Variants in HDGFL3 observed in about 807,000 individuals in gnomAD.
HDGFL3 encodes the protein hepatoma-derived growth factor-related protein 3.
Under a neutral mutation model 27.6 loss-of-function variants are expected in HDGFL3, and 6 were observed. That is an observed-to-expected ratio of 0.22 (90% CI 0.12 to 0.43). HDGFL3 has a LOEUF of 0.43. Among genes scored for constraint, HDGFL3 ranks in the 20% least tolerant of loss-of-function variants. The probability of loss-of-function intolerance (pLI) is 1.00; values close to 1 mark genes in which losing one functional copy is unlikely to be tolerated. For synonymous variants in HDGFL3, 88 were observed against 88.9 expected, an observed-to-expected ratio of 0.99 and a Z score of 0.05; for missense variants, 207 against 250.1, an observed-to-expected ratio of 0.83 and a Z score of 1.16.
intron 1 of HDGFL3, among the ~76,000 whole-genome samples, chr15:83,202,254 T>C (rs2037656666): frequency 6.6e-6 from 1 of 152,160 alleles, no homozygotes; most frequent in African/African-American, 2.4e-5. Context: ...ATACAGTAGG[T>C]GCTCAACAAA....
At chr15:83,140,595 C>T (rs1211105950) in intron 5 of HDGFL3, among the ~76,000 whole-genome samples, 1 of 150,942 alleles carries the variant, frequency 6.6e-6, no homozygotes, top group African/African-American at 2.4e-5. Context: ...GATTCTCCTG[C>T]CTCAGCCTCC....
At chr15:83,115,652 G>A in exon 4 of HDGFL3, 1 of 689,684 alleles carries the variant, frequency 1.4e-6, no homozygotes, top group Non-Finnish European at 2.7e-6. Flanking sequence ...AGGCAGGGAT[G>A]GGGAGAGCTG....
At chr15:83,178,352 CTAAA>C (rs1438961308) in intron 1 of HDGFL3, among the ~76,000 whole-genome samples, 2 of 152,330 alleles carry the variant, frequency 1.3e-5, no homozygotes, top group African/African-American at 4.8e-5. Flanking sequence ...TCTTCACCCT[CTAAA>C]TAATCTAAGT....
downstream of HDGFL3, among the ~76,000 whole-genome samples, chr15:83,126,539 G>A (rs2035763087): frequency 6.6e-6 from 1 of 152,110 alleles, no homozygotes; most frequent in South Asian, 2.1e-4. Flanking sequence ...CAAGAATAGG[G>A]CATTAGTTTC....
chr15:83,199,769 G>A (rs2037616257), intron 1 of HDGFL3, among the ~76,000 whole-genome samples: 1 of 152,030 alleles, frequency 6.6e-6, no homozygotes, highest in Non-Finnish European at 1.5e-5. Flanking sequence ...CAAGCCAGGT[G>A]CAGGGGCTCA....
intron 1 of HDGFL3, among the ~76,000 whole-genome samples, chr15:83,198,050 G>A (rs1159549679): frequency 4.8e-4 from 6 of 12,562 alleles, no homozygotes; most frequent in African/African-American, 2.8e-3. Flanking sequence ...GAGAGACTCC[G>A]TCTCAAAAAA....
intron 2 of HDGFL3, among the ~76,000 whole-genome samples, chr15:83,161,904 C>T (rs2037106285): frequency 1.3e-5 from 2 of 152,004 alleles, no homozygotes; most frequent in African/African-American, 4.8e-5. Context: ...TTAAGGGTTC[C>T]TTGAAAATTG....
chr15:83,122,929 T>G (rs767136800), downstream of HDGFL3: 3 of 1,603,352 alleles, frequency 1.9e-6, no homozygotes, highest in Non-Finnish European at 2.6e-6. Flanking sequence ...ATAGGGTTCT[T>G]TCGCATCCAC....
rs566545297 is a variant in HDGFL3, at chr15:83,182,970, C to T, written c.85-18895G>A. 1.8e-4 allele frequency among the ~76,000 whole-genome samples: 28 copies of T among 152,100 alleles called. No individual in the cohort carries two copies. The South Asian group carries it at 3.1e-3, about 17-fold the overall frequency. On this transcript the variant is annotated intron_variant, in intron 1 of 5. Coordinates refer to ENST00000299633, the MANE Select transcript of HDGFL3 (RefSeq NM_016073.4). Reference sequence around the variant, plus strand: ...AGGTCTTGGGTGTATGGGTGTTCACCGTGATATTCAACTTTTGTGTATATT... The same window carrying T: ...AGGTCTTGGGTGTATGGGTGTTCACTGTGATATTCAACTTTTGTGTATATT...
At chr15:83,114,113 C>G (rs114250182) in exon 4 of HDGFL3, 40 of 152,958 alleles carry the variant, frequency 2.6e-4, no homozygotes, top group African/African-American at 9.6e-4. Context: ...AGCCTGTGCT[C>G]TGACCCTTGC....
chr15:83,115,543 G>A (rs1317999855), exon 4 of HDGFL3: 3 of 505,264 alleles, frequency 5.9e-6, no homozygotes, highest in Non-Finnish European at 7.5e-6. Flanking sequence ...GGGGAGTGGA[G>A]GATGGGTGGA....
chr15:83,145,723 C>T (rs1388166277), intron 5 of HDGFL3, among the ~76,000 whole-genome samples: 1 of 152,050 alleles, frequency 6.6e-6, no homozygotes, highest in Non-Finnish European at 1.5e-5. Flanking sequence ...TGTCATTCAT[C>T]ATAATTCCTG....
In HDGFL3 at chr15:83,150,146, T is replaced by C. The variant is rs557217570; in HGVS notation, c.606+1069A>G. Among the ~76,000 whole-genome samples, 22 of 152,288 alleles carry C rather than the reference T, an allele frequency of 1.4e-4. 1 individual carries two copies. The highest frequency in any genetic ancestry group is 1.4e-3 in the Admixed American group (21 of 15,294). On this transcript the variant is annotated intron_variant, in intron 5 of 5. Transcript: ENST00000299633. Reference sequence around the variant, plus strand: ...ATTAAGGGGGTAGGACAACTCTTCCTTTGTCATGAGAAGTGCATCTAGAAA... The same window carrying C: ...ATTAAGGGGGTAGGACAACTCTTCCCTTGTCATGAGAAGTGCATCTAGAAA...
downstream of HDGFL3, among the ~76,000 whole-genome samples, chr15:83,124,948 C>G (rs2035598765): frequency 6.6e-6 from 1 of 152,216 alleles, no homozygotes; most frequent in Non-Finnish European, 1.5e-5. Context: ...GCTCCCAACC[C>G]CAGCCTCCTG....
At chr15:83,205,311 G>A (rs1276700230) in intron 1 of HDGFL3, among the ~76,000 whole-genome samples, 1 of 152,146 alleles carries the variant, frequency 6.6e-6, no homozygotes, top group Non-Finnish European at 1.5e-5. Flanking sequence ...CCACTAACGA[G>A]AAAATAAAAC....
intron 2 of HDGFL3, among the ~76,000 whole-genome samples, chr15:83,160,505 A>G (rs1388045621): frequency 2.0e-5 from 3 of 147,134 alleles, no homozygotes; most frequent in African/African-American, 5.0e-5. Context: ...TTTTGGACTG[A>G]GAAATAAGAA....
intron 1 of HDGFL3, among the ~76,000 whole-genome samples, chr15:83,205,947 T>C (rs1036826271): frequency 2.0e-5 from 3 of 152,182 alleles, no homozygotes; most frequent in South Asian, 2.1e-4. Flanking sequence ...AATAAGACTG[T>C]TTTTTCCTCT....
At chr15:83,205,224 CAT>C (rs991362838) in intron 1 of HDGFL3, among the ~76,000 whole-genome samples, 34 of 152,006 alleles carry the variant, frequency 2.2e-4, no homozygotes, top group Non-Finnish European at 1.5e-4. Flanking sequence ...AAAATGAAAA[CAT>C]ATGTGAAGTA....
chr15:83,158,094 T>A, intron 2 of HDGFL3, 53 bp from the exon 3 acceptor site: 1 of 1,446,312 alleles, frequency 6.9e-7, no homozygotes, highest in Non-Finnish European at 9.5e-7. Context: ...AAAGGTAAGA[T>A]ATTTTAAATA....
Sources: allele counts gnomAD v4.1 joint callset (sites outside exome capture counted in the v4.1 genomes callset), GRCh38; gene constraint gnomAD v4.1.1; transcripts MANE v1.5; gene names NCBI Gene and HGNC (gene_info 2026-07-23, HGNC 2026-07-21).